MCIDAS: variants seen among roughly 807,000 people sequenced by gnomAD.
MCIDAS encodes multicilin.
A neutral mutation model predicts 35.4 loss-of-function variants in MCIDAS; 23 were observed. The ratio of observed to expected loss-of-function variants is 0.65; its 90% CI spans 0.47 to 0.92. The LOEUF is 0.92. Ranked by LOEUF, MCIDAS falls within the 40% of genes least tolerant of loss-of-function variation. The pLI, the probability that MCIDAS is intolerant of heterozygous loss-of-function variation, is 0.00. For synonymous variants in MCIDAS, 228 were observed against 235.2 expected, an observed-to-expected ratio of 0.97 and a Z score of 0.28; for missense variants, 480 against 531.8, an observed-to-expected ratio of 0.90 and a Z score of 0.96.
At chr5:55,224,482 T>C (rs1745420357) in intron 3 of MCIDAS, among the ~76,000 whole-genome samples, 1 of 152,148 alleles carries the variant, frequency 6.6e-6, no homozygotes. Context: ...ACTAGTTGGA[T>C]GCTGAGACTA....
Position 55,223,086 on chromosome 5 carries a change from AT to A in MCIDAS, c.310-64del, listed in dbSNP as rs1745391198. On this transcript the variant is annotated intron_variant, in intron 3 of 6. Coordinates refer to ENST00000513312, the MANE Select transcript of MCIDAS (RefSeq NM_001190787.3). The surrounding 1 kb of genome is among the most constrained non-coding windows in gnomAD (Gnocchi z 4.4). ...TGGCGTTAGAAAGCCTTCAATAAATATTGGCGTCCCTGTTAAAAATCTGGCA... is the reference window on the plus strand; with the variant it reads ...TGGCGTTAGAAAGCCTTCAATAAATATGGCGTCCCTGTTAAAAATCTGGCA... 1 of 1,352,934 alleles carries A rather than the reference AT, an allele frequency of 7.4e-7. No individual in the cohort carries two copies. Among genetic ancestry groups the A allele is most frequent in the African/African-American group, 1.4e-5 (1 of 69,326 alleles). 83.8% of individuals were successfully genotyped at this position (1,352,934 alleles called of 1,614,324 possible). A position where few individuals can be genotyped will look rare whatever the true frequency, so the allele number is the denominator to read the frequency against.
Position 55,220,453 on chromosome 5 carries a change from G to GGT in MCIDAS, c.1069_1070dup (p.Ile358ProfsTer32). 1.3e-6 allele frequency: 2 copies of GGT among 1,536,092 alleles called. No individual in the cohort carries two copies. The highest frequency in any genetic ancestry group is 1.7e-6 in the Non-Finnish European group (2 of 1,146,918). On this transcript the variant is annotated frameshift_variant, in exon 7 of 7. Transcript: ENST00000513312. LOFTEE classifies it high-confidence loss of function. Reference sequence around the variant, plus strand: ...CCTGGGGGAAGGCGAGGGTGCGGATGGTGCTGTGGCTGCGGATGCGGGTGC... The same window carrying GGT: ...CCTGGGGGAAGGCGAGGGTGCGGATGGTGTGCTGTGGCTGCGGATGCGGGTGC...
At chr5:55,226,777 C>T in intron 2 of MCIDAS, 58 bp downstream of exon 2, 2 of 1,391,564 alleles carry the variant, frequency 1.4e-6, no homozygotes, top group South Asian at 1.6e-5. Flanking sequence ...GAGCTGTGCG[C>T]GCCGCACCCT....
chr5:55,220,516 G>C lies in MCIDAS; in HGVS notation c.1008C>G (p.Asn336Lys). 2 of 1,536,088 alleles carry C rather than the reference G, an allele frequency of 1.3e-6. No homozygotes were observed. The highest frequency in any genetic ancestry group is 1.7e-6 in the Non-Finnish European group (2 of 1,146,902). ...CCTCCTCCAGCTCACTGTGGCTCAG[G>C]TTCAACGCGCTCCGGCTGCAGTCTG... ...LRTDCSRSAL[N>K]LSHSELEEGG... The change falls in exon 7 of 7, where the codon AAC (asparagine) becomes AAG (lysine). Residue 336 changes from asparagine to lysine, a missense_variant. Asn to Lys is a moderately conservative substitution (Grantham distance 94). Transcript: ENST00000513312.
rs1745391233 is a variant in MCIDAS, at chr5:55,223,092, G to A, written c.310-69C>T. On this transcript the variant is annotated intron_variant, in intron 3 of 6. Coordinates refer to ENST00000513312, the MANE Select transcript of MCIDAS (RefSeq NM_001190787.3). This position sits in a 1 kb window ranked among gnomAD's most constrained non-coding sequence, Gnocchi z 4.4. The stretch of plus-strand genomic sequence containing the variant: ...TAGAAAGCCTTCAATAAATATTGGC[G>A]TCCCTGTTAAAAATCTGGCAGGCAC... 7 of 1,318,754 alleles carry A rather than the reference G, an allele frequency of 5.3e-6. No homozygotes were observed. The East Asian group carries it at 7.5e-5, about 14-fold the overall frequency. The allele number at this position is 1,318,754 out of a possible 1,614,324, so 81.7% of individuals were successfully genotyped here.
Position 55,227,030 on chromosome 5 carries a change from G to C in MCIDAS, c.109C>G (p.Pro37Ala), listed in dbSNP as rs751775414. ...GRALLCKPGK[P>A]ERKFAPPRKF... ...ATCAACCGCCCCACCTTCCTCTCCG[G>C]CTTCCCCGGCTTGCAGAGCAGCGCC... is the stretch of plus-strand genomic sequence containing the variant. The change falls in exon 1 of 7, where the codon CCG becomes GCG. Residue 37 changes from proline to alanine, a missense_variant. Physicochemically the swap from Pro to Ala is conservative, Grantham distance 27. Transcript: ENST00000513312. 35 of 1,519,808 alleles carry C rather than the reference G, an allele frequency of 2.3e-5. No homozygotes were observed. Among genetic ancestry groups the C allele is most frequent in the South Asian group, 8.4e-5 (7 of 83,182 alleles). The allele number at this position is 1,519,808 out of a possible 1,614,324, so 94.1% of individuals were successfully genotyped here.
chr5:55,225,102 G>T (rs960353945), intron 3 of MCIDAS, among the ~76,000 whole-genome samples: 1 of 152,172 alleles, frequency 6.6e-6, no homozygotes, highest in Non-Finnish European at 1.5e-5. Flanking sequence ...TGGCTACTTG[G>T]GAGGCTGAGG....
chr5:55,220,209 G>T lies in MCIDAS; in HGVS notation c.*157C>A. On this transcript the variant is annotated 3_prime_UTR_variant, in exon 7 of 7. Transcript: ENST00000513312. ...GTGACAAGGGGAGGGGCTATACAAT[G>T]TTTTGTAGCAGAAATTTACAATGCA... The T allele has an allele frequency of 1.4e-6, 1 of 717,084 alleles. No individual in the cohort carries two copies. Among genetic ancestry groups the T allele is most frequent in the Non-Finnish European group, 2.2e-6 (1 of 444,998 alleles). The allele number at this position is 717,084 out of a possible 1,614,324, so 44.4% of individuals were successfully genotyped here.
Position 55,226,888 on chromosome 5 carries a change from C to T in MCIDAS, c.164G>A (p.Ser55Asn). Residue 55 changes from serine to asparagine, a missense_variant, in exon 2 of 7, where the codon AGC becomes AAC. Physicochemically the swap from Ser to Asn is conservative, Grantham distance 46. Coordinates refer to ENST00000513312, the MANE Select transcript of MCIDAS (RefSeq NM_001190787.3). ...RKFFPGCTGGSPVSVYEDPPD... is the reference protein window; with the variant it reads ...RKFFPGCTGGNPVSVYEDPPD... ...GGGATCCTCGTACACCGACACCGGG[C>T]TCCCGCCTGTGCATCCGGGGAAGAA... The T allele has an allele frequency of 7.1e-7, 1 of 1,415,904 alleles. No homozygotes were observed. The highest frequency in any genetic ancestry group is 9.2e-7 in the Non-Finnish European group (1 of 1,091,138). The allele number at this position is 1,415,904 out of a possible 1,614,324, so 87.7% of individuals were successfully genotyped here.
At position 55,220,406 on chromosome 5, in the gene MCIDAS, G is replaced by T; in HGVS notation, c.1118C>A (p.Thr373Lys). ...FPQGNAFTIR[T>K]ANGGYKFRWV... The stretch of plus-strand genomic sequence containing the variant: ...GCGGAACTTGTAACCCCCGTTGGCT[G>T]TTCTGATGGTGAAGGCATTGCCCTG... Residue 373 changes from threonine (T) to lysine (K), a missense_variant, in exon 7 of 7, where the codon ACA becomes AAA. Thr to Lys is a moderately conservative substitution (Grantham distance 78, BLOSUM62 -1). Coordinates refer to ENST00000513312, the MANE Select transcript of MCIDAS (RefSeq NM_001190787.3). 8.5e-6 allele frequency: 13 copies of T among 1,536,052 alleles called. No individual in the cohort carries two copies. The highest frequency in any genetic ancestry group is 1.0e-5 in the Non-Finnish European group (12 of 1,146,876).
chr5:55,226,998 G>T, intron 1 of MCIDAS, 21 bp downstream of exon 1: 1 of 1,518,348 alleles, frequency 6.6e-7, no homozygotes, highest in Non-Finnish European at 8.8e-7. Flanking sequence ...GACCCCGCCC[G>T]GCCCGAATCA....
Position 55,226,884 on chromosome 5 carries a change from C to T in MCIDAS, c.168G>A (p.Pro56=). The part of the protein sequence containing the change: ...KFFPGCTGGS[P]VSVYEDPPDA... ...CCGGGGGATCCTCGTACACCGACAC[C>T]GGGCTCCCGCCTGTGCATCCGGGGA... Residue 56 remains proline, a synonymous_variant, in exon 2 of 7, where the codon CCG becomes CCA. Transcript: ENST00000513312. 1 of 1,409,864 alleles carries T rather than the reference C, an allele frequency of 7.1e-7. No individual in the cohort carries two copies. The allele number at this position is 1,409,864 out of a possible 1,614,324, so 87.3% of individuals were successfully genotyped here.
intron 4 of MCIDAS, 146 bp from the exon 5 acceptor site, chr5:55,222,545 G>T: frequency 1.5e-6 from 1 of 662,866 alleles, no homozygotes; most frequent in Non-Finnish European, 2.5e-6. Context: ...CTGATTACGA[G>T]GCCCTTCCTG....
chr5:55,221,272 T>G, intron 5 of MCIDAS, 146 bp from the exon 6 acceptor site: 1 of 479,590 alleles, frequency 2.1e-6, no homozygotes. Flanking sequence ...ATAATCAATT[T>G]ACTTTTTTTT....
intron 6 of MCIDAS, 77 bp downstream of exon 6, chr5:55,220,939 C>T: frequency 6.9e-7 from 1 of 1,459,838 alleles, no homozygotes; most frequent in Non-Finnish European, 9.2e-7. Context: ...CCCCACGGGT[C>T]CCGATGCTGG....
At chr5:55,225,976 TC>T (rs777842911) in intron 3 of MCIDAS, among the ~76,000 whole-genome samples, 22 of 152,180 alleles carry the variant, frequency 1.4e-4, no homozygotes, top group Non-Finnish European at 2.4e-4. Flanking sequence ...CTAGAGCTTT[TC>T]GAAGGGCTGA....
intron 6 of MCIDAS, 50 bp downstream of exon 6, chr5:55,220,966 C>T: frequency 6.7e-7 from 1 of 1,498,204 alleles, no homozygotes; most frequent in Non-Finnish European, 9.0e-7. Flanking sequence ...ATGCACTGAA[C>T]TGTTCAGTTC....
Position 55,223,749 on chromosome 5 carries a change from G to T in MCIDAS, c.310-726C>A, listed in dbSNP as rs990644288. ...CCGAGCGGGAAGAAAGCTGTGATTCGAGGGGCCAGGAGAATACGGGAAAAG... is the reference window on the plus strand; with the variant it reads ...CCGAGCGGGAAGAAAGCTGTGATTCTAGGGGCCAGGAGAATACGGGAAAAG... On this transcript the variant is annotated intron_variant, in intron 3 of 6. Coordinates refer to ENST00000513312, the MANE Select transcript of MCIDAS (RefSeq NM_001190787.3). This position sits in a 1 kb window ranked among gnomAD's most constrained non-coding sequence, Gnocchi z 4.4. 6.6e-6 allele frequency among the ~76,000 whole-genome samples: 1 copy of T among 152,208 alleles called. No homozygotes were observed. Among genetic ancestry groups the T allele is most frequent in the Non-Finnish European group, 1.5e-5 (1 of 68,042 alleles).
chr5:55,226,868 C>T lies in MCIDAS; in HGVS notation c.184G>A (p.Asp62Asn). The T allele has an allele frequency of 5.0e-6, 7 of 1,390,146 alleles. No individual in the cohort carries two copies. The highest frequency in any genetic ancestry group is 6.5e-6 in the Non-Finnish European group (7 of 1,077,874). 86.1% of individuals were successfully genotyped at this position (1,390,146 alleles called of 1,614,324 possible). ...GCTGTGGGCTCGGCGTCCGGGGGAT[C>T]CTCGTACACCGACACCGGGCTCCCG... is the stretch of plus-strand genomic sequence containing the variant. ...TGGSPVSVYEDPPDAEPTALP... is the reference protein window; with the variant it reads ...TGGSPVSVYENPPDAEPTALP... Residue 62 changes from aspartate (D) to asparagine (N), a missense_variant, in exon 2 of 7, where the codon GAT becomes AAT. Transcript: ENST00000513312.
Sources: gnomAD v4.1 joint callset for allele counts (sites outside exome capture counted in the v4.1 genomes callset) on GRCh38, gnomAD v4.1.1 for gene constraint, Gnocchi (gnomAD v3.1) non-coding constraint, MANE v1.5 for transcripts, NCBI Gene and HGNC (gene_info 2026-07-23, HGNC 2026-07-21) for gene names.